The following ZNF862 variants were observed in gnomAD, a reference collection of about 807,000 sequenced individuals.
ZNF862 encodes zinc finger protein 862.
ZNF862 carries 64 observed loss-of-function variants against 91.1 expected under a neutral mutation model. The ratio of observed to expected loss-of-function variants is 0.70; its 90% CI spans 0.57 to 0.87. The LOEUF (loss-of-function observed/expected upper bound fraction) is 0.87. Ranked by LOEUF, ZNF862 falls within the 40% of genes least tolerant of loss-of-function variation. ZNF862 has a pLI of 0.00. For missense variants in ZNF862, 1,459 were observed against 1,528.0 expected, an observed-to-expected ratio of 0.95 and a Z score of 0.75; for synonymous variants, 631 against 618.1, an observed-to-expected ratio of 1.02 and a Z score of -0.31.
rs182395648 is a variant in ZNF862, at chr7:149,845,432, G to T, written c.136+696G>T. Among the ~76,000 whole-genome samples the T allele has an allele frequency of 1.3e-3, 193 of 152,252 alleles. 1 individual carries two copies. Among genetic ancestry groups the T allele is most frequent in the African/African-American group, 4.4e-3 (183 of 41,542 alleles). ...TATTTCATCTTGGCCCCTGTGTAAG[G>T]CACGGTAGAAGCAACAATCAGCATT... On this transcript the variant is annotated intron_variant, in intron 2 of 7. Transcript: ENST00000223210.
At position 149,860,846 on chromosome 7, in the gene ZNF862, C is replaced by T. The variant is rs1384390236; in HGVS notation, c.1686C>T (p.Ala562=). 2 of 1,613,574 alleles carry T rather than the reference C, an allele frequency of 1.2e-6. No homozygotes were observed. The highest frequency in any genetic ancestry group is 1.1e-5 in the South Asian group (1 of 91,092). ...ACATGGAGCACTTTTTCAATGCCGCCTACTCCATTGCATACCACTCAAGGC... is the reference window on the plus strand; with the variant it reads ...ACATGGAGCACTTTTTCAATGCCGCTTACTCCATTGCATACCACTCAAGGC... ...MANMEHFFNA[A]YSIAYHSRPL... is the part of the protein sequence containing the mutation. Residue 562 remains alanine (A), a synonymous_variant, in exon 7 of 8, where the codon GCC becomes GCT. Coordinates refer to ENST00000223210, the MANE Select transcript of ZNF862 (RefSeq NM_001099220.3).
Position 149,848,304 on chromosome 7 carries a change from G to A in ZNF862, c.811G>A (p.Asp271Asn), listed in dbSNP as rs776789679. 3.1e-6 allele frequency: 5 copies of A among 1,608,152 alleles called. No individual in the cohort carries two copies. Among genetic ancestry groups the A allele is most frequent in the African/African-American group, 2.7e-5 (2 of 74,794 alleles). The change falls in exon 4 of 8, where the codon GAT becomes AAT. Residue 271 changes from aspartate to asparagine, a missense_variant. Coordinates refer to ENST00000223210, the MANE Select transcript of ZNF862 (RefSeq NM_001099220.3). The part of the protein sequence containing the change: ...SRAELEDPGG[D>N]GAIPAMYLDC... ...AGCTGAACTAGAGGACCCTGGGGGG[G>A]ATGGAGCAATTCCTGCAATGTATCT...
chr7:149,847,473 C>T (rs1455710628), intron 3 of ZNF862, among the ~76,000 whole-genome samples: 1 of 151,986 alleles, frequency 6.6e-6, no homozygotes, highest in Non-Finnish European at 1.5e-5. Context: ...TTGTATCTGT[C>T]CTTTAAATTC....
Position 149,862,225 on chromosome 7 carries a change from T to C in ZNF862, c.3065T>C (p.Leu1022Pro), listed in dbSNP as rs543176589. 6 of 1,613,756 alleles carry C rather than the reference T, an allele frequency of 3.7e-6. No individual in the cohort carries two copies. The highest frequency in any genetic ancestry group is 2.2e-5 in the South Asian group (2 of 91,082). Residue 1022 changes from leucine (L) to proline (P), a missense_variant, in exon 7 of 8, where the codon CTA (leucine) becomes CCA (proline). Transcript: ENST00000223210. ...GCCCAGCACTGCCGCTTCCCCCTGCTAAGCAAGCTCATGGCCGTGGTGGTC... is the reference window on the plus strand; with the variant it reads ...GCCCAGCACTGCCGCTTCCCCCTGCCAAGCAAGCTCATGGCCGTGGTGGTC... ...ALAQHCRFPLLSKLMAVVVCV... is the reference protein window; with the variant it reads ...ALAQHCRFPLPSKLMAVVVCV...
Position 149,850,834 on chromosome 7 carries a change from T to C in ZNF862, c.1117+496T>C, listed in dbSNP as rs1802047450. 1 of 157,360 alleles carries C rather than the reference T, an allele frequency of 6.4e-6. No individual in the cohort carries two copies. The highest frequency in any genetic ancestry group is 6.0e-5 in the Admixed American group (1 of 16,752). The allele number at this position is 157,360 out of a possible 1,614,324, so 9.7% of individuals were successfully genotyped here. A position where few individuals can be genotyped will look rare whatever the true frequency, so the allele number is the denominator to read the frequency against. ...AGGTGGATCAGAAGGAGGAAGGGCA[T>C]TGAGCCATGATGGAGGGGACGGCCT... is the stretch of plus-strand genomic sequence containing the variant. On this transcript the variant is annotated intron_variant, in intron 5 of 7. Transcript: ENST00000223210. The surrounding 1 kb of genome is among the most constrained non-coding windows in gnomAD (Gnocchi z 4.2).
chr7:149,840,223 A>T (rs1407773913), intron 1 of ZNF862, among the ~76,000 whole-genome samples: 3 of 146,886 alleles, frequency 2.0e-5, no homozygotes, highest in Admixed American at 6.8e-5. Context: ...AAAAAAATTT[A>T]AAAATACAAA....
chr7:149,852,436 A>G (rs1802099755), intron 5 of ZNF862: 1 of 152,786 alleles, frequency 6.5e-6, no homozygotes, highest in East Asian at 1.9e-4. Flanking sequence ...TGGTGCCATC[A>G]TAGCTCACTG....
At chr7:149,842,097 G>C (rs1801728916) in intron 1 of ZNF862, among the ~76,000 whole-genome samples, 1 of 152,134 alleles carries the variant, frequency 6.6e-6, no homozygotes, top group Non-Finnish European at 1.5e-5. Context: ...TAAATGCTTG[G>C]GCCAGGTGGT....
At position 149,861,127 on chromosome 7, in the gene ZNF862, A is replaced by G; in HGVS notation, c.1967A>G (p.Tyr656Cys). 1.2e-6 allele frequency: 2 copies of G among 1,613,010 alleles called. No individual in the cohort carries two copies. Among genetic ancestry groups the G allele is most frequent in the South Asian group, 1.1e-5 (1 of 91,054 alleles). Residue 656 changes from tyrosine to cysteine, a missense_variant, in exon 7 of 8, where the codon TAC becomes TGC. Coordinates refer to ENST00000223210, the MANE Select transcript of ZNF862 (RefSeq NM_001099220.3). The surrounding 1 kb of genome is among the most constrained non-coding windows in gnomAD (Gnocchi z 6.7). ...YFKQMEVKES[Y>C]ITLAPLYSET... Reference sequence around the variant, plus strand: ...AAGCAGATGGAGGTGAAAGAGTCCTACATCACTCTGGCCCCTCTCTACAGT... The same window carrying G: ...AAGCAGATGGAGGTGAAAGAGTCCTGCATCACTCTGGCCCCTCTCTACAGT...
chr7:149,859,282 C>A (rs1036025893), intron 5 of ZNF862, 140 bp from the exon 6 acceptor site: 12 of 801,128 alleles, frequency 1.5e-5, no homozygotes, highest in Admixed American at 1.3e-4. Context: ...TTGCGCTCAG[C>A]CTGCCCCTGG....
Position 149,864,353 on chromosome 7 carries a change from T to G in ZNF862, c.*69T>G, listed in dbSNP as rs548885297. 1 of 1,460,788 alleles carries G rather than the reference T, an allele frequency of 6.8e-7. No individual in the cohort carries two copies. The highest frequency in any genetic ancestry group is 1.4e-5 in the African/African-American group (1 of 70,634). The allele number at this position is 1,460,788 out of a possible 1,614,324, so 90.5% of individuals were successfully genotyped here. A position where few individuals can be genotyped will look rare whatever the true frequency, so the allele number is the denominator to read the frequency against. The stretch of plus-strand genomic sequence containing the variant: ...TCACTGGGACAGGCTCTGCAGATTC[T>G]AGGCTGCCCTAGGATCTTCTGCTGG... On this transcript the variant is annotated 3_prime_UTR_variant, in exon 8 of 8. Transcript: ENST00000223210.
chr7:149,853,095 ATTTG>A (rs1802123648), intron 5 of ZNF862, among the ~76,000 whole-genome samples: 1 of 152,074 alleles, frequency 6.6e-6, no homozygotes, highest in African/African-American at 2.4e-5. Context: ...GCATCTATTT[ATTTG>A]TTTGTTTGAG....
intron 2 of ZNF862, 124 bp downstream of exon 2, chr7:149,844,860 C>T (rs906770686): frequency 2.0e-5 from 13 of 661,510 alleles, no homozygotes; most frequent in African/African-American, 3.6e-5. Context: ...ATCTTTACTC[C>T]ACCTGTCTGC....
rs1802030760 is a variant in ZNF862, at chr7:149,850,424, C to G, written c.1117+86C>G. 5 of 1,375,102 alleles carry G rather than the reference C, an allele frequency of 3.6e-6. No individual in the cohort carries two copies. The East Asian group carries it at 1.2e-4, about 34-fold the overall frequency. 85.2% of individuals were successfully genotyped at this position (1,375,102 alleles called of 1,614,324 possible). A position where few individuals can be genotyped will look rare whatever the true frequency, so the allele number is the denominator to read the frequency against. On this transcript the variant is annotated intron_variant, in intron 5 of 7. Coordinates refer to ENST00000223210, the MANE Select transcript of ZNF862 (RefSeq NM_001099220.3). The surrounding 1 kb of genome is among the most constrained non-coding windows in gnomAD (Gnocchi z 4.2). ...GAGCTGTGGCTTGTGGTTATCTTCC[C>G]ATTCCTGCCCCCTCCCTGTGTGTAG...
In ZNF862 at chr7:149,859,463, C is replaced by T. The variant is rs749132191; in HGVS notation, c.1159C>T (p.Arg387Trp). 22 of 1,588,442 alleles carry T rather than the reference C, an allele frequency of 1.4e-5. No homozygotes were observed. The highest frequency in any genetic ancestry group is 4.0e-5 in the African/African-American group (3 of 74,444). ...AKPDLISKLE[R>W]RAAPWIKDPN... ...GCCAGACTTGATCTCCAAACTGGAG[C>T]GGAGGGCTGCACCCTGGATCAAGGA... The change falls in exon 6 of 8, where the codon CGG becomes TGG. Residue 387 changes from arginine to tryptophan, a missense_variant. Arg to Trp is a moderately radical substitution (Grantham distance 101). Coordinates refer to ENST00000223210, the MANE Select transcript of ZNF862 (RefSeq NM_001099220.3).
rs1398575191 is a variant in ZNF862 at position 149,864,291 on chromosome 7, G to A, written c.*7G>A. 3.8e-6 allele frequency: 6 copies of A among 1,590,686 alleles called. No individual in the cohort carries two copies. Among genetic ancestry groups the A allele is most frequent in the South Asian group, 2.3e-5 (2 of 87,192 alleles). ...GGCCCCCGGGATGTCCTGAGGGACA[G>A]GGAGTCCTTGGGACTGCCTTGGAGA... On this transcript the variant is annotated 3_prime_UTR_variant, in exon 8 of 8. Coordinates refer to ENST00000223210, the MANE Select transcript of ZNF862 (RefSeq NM_001099220.3).
At chr7:149,859,155 T>C (rs924738852) in intron 5 of ZNF862, 13 of 518,724 alleles carry the variant, frequency 2.5e-5, no homozygotes, top group Non-Finnish European at 3.9e-5. Context: ...AGTCCCTATG[T>C]TTCTTCCTGT....
Position 149,865,803 on chromosome 7 carries a change from CT to C in ZNF862, c.*1520del, listed in dbSNP as rs1192124616. 3 of 152,396 alleles carry C rather than the reference CT, an allele frequency of 2.0e-5. No individual in the cohort carries two copies. The highest frequency in any genetic ancestry group is 7.2e-5 in the African/African-American group (3 of 41,536). The allele number at this position is 152,396 out of a possible 1,614,324, so 9.4% of individuals were successfully genotyped here. ...AGGTCCTGTGCTGTGCTGCAGGCCCCTGTGGGTGGGCCCTTTCTCCATAGTC... is the reference window on the plus strand; with the variant it reads ...AGGTCCTGTGCTGTGCTGCAGGCCCCGTGGGTGGGCCCTTTCTCCATAGTC... On this transcript the variant is annotated 3_prime_UTR_variant, in exon 8 of 8. Coordinates refer to ENST00000223210, the MANE Select transcript of ZNF862 (RefSeq NM_001099220.3).
At chr7:149,847,639 C>T (rs1273450090) in intron 3 of ZNF862, 96 bp from the exon 4 acceptor site, 43 of 595,814 alleles carry the variant, frequency 7.2e-5, no homozygotes, top group South Asian at 3.7e-4. Context: ...GTGTGCTTTC[C>T]GTCTTTCATA....
Sources: allele counts gnomAD v4.1 joint callset (sites outside exome capture counted in the v4.1 genomes callset), GRCh38; gene constraint gnomAD v4.1.1; non-coding constraint Gnocchi (gnomAD v3.1); transcripts MANE v1.5; gene names NCBI Gene and HGNC (gene_info 2026-07-23, HGNC 2026-07-21).